The following LARGE1 variants were observed in gnomAD, a reference collection of about 807,000 sequenced individuals.
The protein encoded by LARGE1 is xylosyl- and glucuronyltransferase LARGE1.
LARGE1 carries 43 observed loss-of-function variants against 87.6 expected under a neutral mutation model. That is an observed-to-expected ratio of 0.49 (90% CI 0.38 to 0.63). The LOEUF (loss-of-function observed/expected upper bound fraction) is 0.63, where lower values mean the gene tolerates loss of function less well. LARGE1 is among the 30% of genes least tolerant of loss of function. The pLI is 0.00. For synonymous variants in LARGE1, 434 were observed against 394.6 expected, an observed-to-expected ratio of 1.10 and a Z score of -1.18; for missense variants, 802 against 1,000.2, an observed-to-expected ratio of 0.80 and a Z score of 2.67.
At chr22:33,237,284 A>C (rs954769042) in intron 11 of LARGE1, among the ~76,000 whole-genome samples, 1 of 152,244 alleles carries the variant, frequency 6.6e-6, no homozygotes, top group African/African-American at 2.4e-5. Flanking sequence ...AACCATGATA[A>C]GCTTAAACAT....
chr22:33,283,104 A>G, intron 13 of LARGE1, 98 bp downstream of exon 13: 1 of 1,482,616 alleles, frequency 6.7e-7, no homozygotes, highest in African/African-American at 1.4e-5. Context: ...GACTAAGGCG[A>G]GCGACAAACT....
the LARGE1 span, among the ~76,000 whole-genome samples, chr22:33,101,947 G>C: frequency 6.6e-6 from 1 of 152,108 alleles, no homozygotes; most frequent in Non-Finnish European, 1.5e-5. Flanking sequence ...AAATCTTTTT[G>C]TTTTATTCCT....
Position 33,485,830 on chromosome 22 carries a change from C to A in LARGE1, c.788-53565G>T, listed in dbSNP as rs79843477. On this transcript the variant is annotated intron_variant, in intron 6 of 14. Coordinates refer to ENST00000397394, the MANE Select transcript of LARGE1 (RefSeq NM_133642.5). ...GCACTTACTCAGCTTTATTTTCCACCATGGCTCTTATCACCATCTGACATA... is the reference window on the plus strand; with the variant it reads ...GCACTTACTCAGCTTTATTTTCCACAATGGCTCTTATCACCATCTGACATA... Among the ~76,000 whole-genome samples, 456 of 152,296 alleles carry A rather than the reference C, an allele frequency of 3.0e-3. 3 individuals carry two copies. Among genetic ancestry groups the A allele is most frequent in the South Asian group, 0.021 (100 of 4,824 alleles).
At chr22:33,351,433 T>A (rs935990878) in intron 9 of LARGE1, among the ~76,000 whole-genome samples, 1 of 152,260 alleles carries the variant, frequency 6.6e-6, no homozygotes, top group African/African-American at 2.4e-5. Context: ...TTATTTTTAG[T>A]GCATTTCATA....
intron 11 of LARGE1, among the ~76,000 whole-genome samples, chr22:33,203,723 C>T (rs887259619): frequency 2.6e-5 from 4 of 152,242 alleles, no homozygotes; most frequent in Admixed American, 6.5e-5. Flanking sequence ...ACTTTGCTGC[C>T]GCTGCTACCT....
chr22:33,364,060 T>TA lies in LARGE1; in HGVS notation c.1131+17858_1131+17859insT, dbSNP rs1491319222. Among the ~76,000 whole-genome samples the TA allele has an allele frequency of 4.2e-4, 33 of 79,336 alleles. 1 individual carries two copies. Among genetic ancestry groups the TA allele is most frequent in the African/African-American group, 3.5e-3 (21 of 6,026 alleles). The allele number at this position is 79,336 out of a possible 152,430, so 52.0% of individuals were successfully genotyped here. ...GGTCAAAGTGCATCTTTGCTATATA[T>TA]TTTTTTTTTTTTGAGACGGAGTCTC... On this transcript the variant is annotated intron_variant, in intron 9 of 14. Transcript: ENST00000397394.
intron 9 of LARGE1, among the ~76,000 whole-genome samples, chr22:33,368,811 G>A (rs1465283258): frequency 6.6e-6 from 1 of 152,076 alleles, no homozygotes; most frequent in African/African-American, 2.4e-5. Context: ...ACTGTACTCT[G>A]TTAAGTGTAC....
At chr22:33,657,607 C>T (rs1322272129) in intron 2 of LARGE1, among the ~76,000 whole-genome samples, 1 of 152,018 alleles carries the variant, frequency 6.6e-6, no homozygotes, top group Non-Finnish European at 1.5e-5. Context: ...CCAGATCAGG[C>T]ATACTTTTTG....
chr22:33,540,979 A>AATATAAAAATT (rs2077175156), intron 6 of LARGE1, among the ~76,000 whole-genome samples: 1 of 145,950 alleles, frequency 6.9e-6, no homozygotes, highest in Non-Finnish European at 1.5e-5. Flanking sequence ...ATTAAAAAAA[A>AATATAAAAATT]ATATAAAAAT....
intron 1 of LARGE1, among the ~76,000 whole-genome samples, chr22:33,761,954 C>T (rs238860): frequency 0.019 from 2,928 of 152,158 alleles, 85 homozygotes; most frequent in African/African-American, 0.066. Context: ...CAGTGGCTCA[C>T]GCCTGTAATC....
At chr22:33,092,364 T>C in the LARGE1 span, among the ~76,000 whole-genome samples, 1 of 152,224 alleles carries the variant, frequency 6.6e-6, no homozygotes, top group East Asian at 1.9e-4. Flanking sequence ...GCAAGTCCTA[T>C]GGGGAGGAGC....
intron 1 of LARGE1, among the ~76,000 whole-genome samples, chr22:33,832,350 T>G (rs141977263): frequency 1.6e-3 from 242 of 152,234 alleles, no homozygotes; most frequent in African/African-American, 5.5e-3. Context: ...GAGCTCTGTC[T>G]AAAGAACAAG....
chr22:33,111,389 G>C, the LARGE1 span, among the ~76,000 whole-genome samples: 1 of 152,090 alleles, frequency 6.6e-6, no homozygotes, highest in Non-Finnish European at 1.5e-5. Context: ...TTTACCAAGG[G>C]CGTTAATAAA....
At chr22:33,596,334 A>G (rs1377195468) in intron 5 of LARGE1, among the ~76,000 whole-genome samples, 1 of 152,244 alleles carries the variant, frequency 6.6e-6, no homozygotes, top group Non-Finnish European at 1.5e-5. Flanking sequence ...TATGCTTTCA[A>G]GTGCTTTATG....
At chr22:33,104,925 T>TTCTCTTTCTCTCTTTCTC in the LARGE1 span, among the ~76,000 whole-genome samples, 24 of 118,450 alleles carry the variant, frequency 2.0e-4, no homozygotes, top group Admixed American at 1.4e-3. Context: ...CTTTCTTTCT[T>TTCTCTTTCTCTCTTTCTC]TCTTTCTTTC....
At chr22:33,909,023 A>T (rs1417051413) in intron 1 of LARGE1, among the ~76,000 whole-genome samples, 1 of 152,172 alleles carries the variant, frequency 6.6e-6, no homozygotes, top group Non-Finnish European at 1.5e-5. Context: ...AGGCTAGGAA[A>T]AAGGTTGTTC....
the LARGE1 span, among the ~76,000 whole-genome samples, chr22:33,083,810 T>C: frequency 1.3e-5 from 2 of 152,164 alleles, no homozygotes; most frequent in Non-Finnish European, 2.9e-5. Flanking sequence ...AAATGATCAG[T>C]ACTCCCACTT....
chr22:33,864,581 G>A (rs2064030524), intron 1 of LARGE1, among the ~76,000 whole-genome samples: 1 of 152,246 alleles, frequency 6.6e-6, no homozygotes, highest in Non-Finnish European at 1.5e-5. Flanking sequence ...GGTAGGGATG[G>A]TGCCCTGTTT....
At chr22:33,557,197 AATATATAAGACAAGGCAG>A (rs1320865911) in intron 6 of LARGE1, among the ~76,000 whole-genome samples, 2 of 152,212 alleles carry the variant, frequency 1.3e-5, no homozygotes, top group African/African-American at 4.8e-5. Flanking sequence ...TGATCTTTCT[AATATATAAGACAAGGCAG>A]ATTTGCTTCA....
Sources: allele counts gnomAD v4.1 joint callset (sites outside exome capture counted in the v4.1 genomes callset), GRCh38; gene constraint gnomAD v4.1.1; transcripts MANE v1.5; gene names NCBI Gene and HGNC (gene_info 2026-07-23, HGNC 2026-07-21).